Variants in LAG3 observed in about 807,000 individuals in gnomAD.
LAG3 encodes the protein lymphocyte activation gene 3 protein.
LAG3 carries 29 observed loss-of-function variants against 49.0 expected under a neutral mutation model. That is an observed-to-expected ratio of 0.59 (90% CI 0.44 to 0.81). The LOEUF is 0.81. LAG3 is among the 30% of genes least tolerant of loss of function. The pLI, the probability that LAG3 is intolerant of heterozygous loss-of-function variation, is 0.00. For missense variants in LAG3, 693 were observed against 695.2 expected (o/e 1.00, Z 0.04); for synonymous variants, 320 against 297.3 (o/e 1.08, Z -0.79).
At chr12:6,778,149 G>T in intron 7 of LAG3, 95 bp from the exon 8 acceptor site, 1 of 1,378,466 alleles carries the variant, frequency 7.3e-7, no homozygotes, top group South Asian at 1.3e-5. Flanking sequence ...GGGGCGCTGA[G>T]AAAAAATAGA....
chr12:6,772,977 G>T lies in LAG3; in HGVS notation c.58+67G>T. The T allele has an allele frequency of 1.9e-6, 3 of 1,541,586 alleles. No individual in the cohort carries two copies. In the South Asian group the frequency reaches 3.4e-5, roughly 17 times the overall value. On this transcript the variant is annotated intron_variant, in intron 1 of 7. Transcript: ENST00000203629. ...GGAGGGGACCAGCAGGGATCTCTGT[G>T]GCCACAAAGGTCCTGAGGTCCTTAG...
chr12:6,773,130 CTT>C lies in LAG3; in HGVS notation c.59-61_59-60del. On this transcript the variant is annotated intron_variant, in intron 1 of 7. Coordinates refer to ENST00000203629, the MANE Select transcript of LAG3 (RefSeq NM_002286.6). This position sits in a 1 kb window ranked among gnomAD's most constrained non-coding sequence, Gnocchi z 5.5. ...TCTCCCTCGGGAAACACCCAGGCTC[CTT>C]CTCTACCCCTGCCTCTCGGCTCACG... 1 of 1,549,358 alleles carries C rather than the reference CTT, an allele frequency of 6.5e-7. No homozygotes were observed. Among genetic ancestry groups the C allele is most frequent in the Non-Finnish European group, 8.7e-7 (1 of 1,148,230 alleles).
intron 3 of LAG3, 32 bp downstream of exon 3, chr12:6,774,033 G>T: frequency 7.2e-7 from 1 of 1,389,878 alleles, no homozygotes; most frequent in Non-Finnish European, 9.2e-7. Flanking sequence ...GAGAAGGGCT[G>T]GGAGGTGGGT....
In LAG3 at chr12:6,775,367, T is replaced by C. The variant is rs1941895477; in HGVS notation, c.876T>C (p.Ser292=). Residue 292 remains serine, a synonymous_variant, in exon 5 of 8, where the codon TCT becomes TCC. Coordinates refer to ENST00000203629, the MANE Select transcript of LAG3 (RefSeq NM_002286.6). ...TGCCTGCTGGTGTGGGGACCCGGTC[T>C]TTCCTCACTGCCAAGTGGACTCCTC... ...CRLPAGVGTR[S]FLTAKWTPPG... 1 of 1,614,210 alleles carries C rather than the reference T, an allele frequency of 6.2e-7. No individual in the cohort carries two copies.
At position 6,774,027 on chromosome 12, in the gene LAG3, A is replaced by C. The variant is rs1941875217; in HGVS notation, c.511+26A>C. The C allele has an allele frequency of 2.2e-6, 3 of 1,389,232 alleles. No homozygotes were observed. The African/African-American group carries it at 4.6e-5, about 21-fold the overall frequency. 86.1% of individuals were successfully genotyped at this position (1,389,232 alleles called of 1,614,324 possible). ...GTATGTGGGGCGGGACGATGGGAGA[A>C]GGGCTGGGAGGTGGGTCCCCATCCC... On this transcript the variant is annotated intron_variant, in intron 3 of 7. Transcript: ENST00000203629.
At chr12:6,776,595 C>T (rs1376251543) in intron 5 of LAG3, among the ~76,000 whole-genome samples, 1 of 152,210 alleles carries the variant, frequency 6.6e-6, no homozygotes, top group African/African-American at 2.4e-5. Context: ...TCCTCCCACC[C>T]ACCCATCTCT....
Position 6,772,924 on chromosome 12 carries a change from G to T in LAG3, c.58+14G>T. 1.9e-6 allele frequency: 3 copies of T among 1,613,672 alleles called. No homozygotes were observed. Among genetic ancestry groups the T allele is most frequent in the Non-Finnish European group, 2.5e-6 (3 of 1,179,780 alleles). ...GGGTGGCTCCAGGTAAAACGGGGAT[G>T]GCGGGAGGGTTGACCTCCAGCCCCA... On this transcript the variant is annotated intron_variant, in intron 1 of 7. Transcript: ENST00000203629.
At position 6,773,725 on chromosome 12, in the gene LAG3, C is replaced by A. The variant is rs760733811; in HGVS notation, c.235C>A (p.Pro79Thr). Residue 79 changes from proline to threonine, a missense_variant, in exon 3 of 8, where the codon CCC becomes ACC. Physicochemically the swap from Pro to Thr is conservative, Grantham distance 38. Transcript: ENST00000203629. This position sits in a 1 kb window ranked among gnomAD's most constrained non-coding sequence, Gnocchi z 5.5. ...CCCGCCCGCTGCCGCCCCCGGCCATCCCCTGGCCCCCGGCCCTCACCCGGC... is the reference window on the plus strand; with the variant it reads ...CCCGCCCGCTGCCGCCCCCGGCCATACCCTGGCCCCCGGCCCTCACCCGGC... The part of the protein sequence containing the change: ...SGPPAAAPGH[P>T]LAPGPHPAAP... 1 of 1,344,690 alleles carries A rather than the reference C, an allele frequency of 7.4e-7. No homozygotes were observed. Among genetic ancestry groups the A allele is most frequent in the Non-Finnish European group, 9.5e-7 (1 of 1,054,852 alleles). The allele number at this position is 1,344,690 out of a possible 1,614,324, so 83.3% of individuals were successfully genotyped here.
rs148277920 is a variant in LAG3, at chr12:6,777,334, A to G, written c.1128A>G (p.Gly376=). 246 of 1,614,184 alleles carry G rather than the reference A, an allele frequency of 1.5e-4. No individual in the cohort carries two copies. Among genetic ancestry groups the G allele is most frequent in the Admixed American group, 2.2e-4 (13 of 60,030 alleles). The change falls in exon 6 of 8, where the codon GGA becomes GGG. Residue 376 remains glycine (G), a synonymous_variant. Coordinates refer to ENST00000203629, the MANE Select transcript of LAG3 (RefSeq NM_002286.6). Reference sequence around the variant, plus strand: ...TTTGTGAGGTGACTCCAGTATCTGGACAAGAACGCTTTGTGTGGAGCTCTC... The same window carrying G: ...TTTGTGAGGTGACTCCAGTATCTGGGCAAGAACGCTTTGTGTGGAGCTCTC... The part of the protein sequence containing the change: ...KLLCEVTPVS[G]QERFVWSSLD...
intron 3 of LAG3, 43 bp downstream of exon 3, chr12:6,774,044 C>A: frequency 7.3e-7 from 1 of 1,375,462 alleles, no homozygotes; most frequent in South Asian, 1.7e-5. Context: ...GGAGGTGGGT[C>A]CCCATCCCCT....
rs1415525930 is a variant in LAG3 at position 6,773,768 on chromosome 12, G to A, written c.278G>A (p.Gly93Glu). 36 of 1,331,200 alleles carry A rather than the reference G, an allele frequency of 2.7e-5. No homozygotes were observed. Among genetic ancestry groups the A allele is most frequent in the Non-Finnish European group, 3.4e-5 (36 of 1,046,984 alleles). 82.5% of individuals were successfully genotyped at this position (1,331,200 alleles called of 1,614,324 possible). Reference protein sequence around the residue: ...GPHPAAPSSWGPRPRRYTVLS... With the variant: ...GPHPAAPSSWEPRPRRYTVLS... ...CACCCGGCGGCGCCCTCCTCCTGGGGGCCCAGGCCCCGCCGCTACACGGTG... is the reference window on the plus strand; with the variant it reads ...CACCCGGCGGCGCCCTCCTCCTGGGAGCCCAGGCCCCGCCGCTACACGGTG... The change falls in exon 3 of 8, where the codon GGG becomes GAG. Residue 93 changes from glycine to glutamate, a missense_variant. Coordinates refer to ENST00000203629, the MANE Select transcript of LAG3 (RefSeq NM_002286.6). The surrounding 1 kb of genome is among the most constrained non-coding windows in gnomAD (Gnocchi z 5.5).
chr12:6,774,113 G>C, intron 3 of LAG3, 112 bp downstream of exon 3: 1 of 1,323,504 alleles, frequency 7.6e-7, no homozygotes. Flanking sequence ...CTGTCGGAGA[G>C]CTCCCAGAAG....
rs1435048904 is a variant in LAG3 at position 6,773,511 on chromosome 12, A to T, written c.206+172A>T. 1.3e-5 allele frequency among the ~76,000 whole-genome samples: 2 copies of T among 152,056 alleles called. No homozygotes were observed. The highest frequency in any genetic ancestry group is 4.8e-5 in the African/African-American group (2 of 41,426). Reference sequence around the variant, plus strand: ...CCTTGCTCTGCAATCAGCGACCCTCACGCCAGCATCCCTTCTCTCCAGAAG... The same window carrying T: ...CCTTGCTCTGCAATCAGCGACCCTCTCGCCAGCATCCCTTCTCTCCAGAAG... On this transcript the variant is annotated intron_variant, in intron 2 of 7. Coordinates refer to ENST00000203629, the MANE Select transcript of LAG3 (RefSeq NM_002286.6). This position sits in a 1 kb window ranked among gnomAD's most constrained non-coding sequence, Gnocchi z 5.5.
rs1565482559 is a variant in LAG3 at position 6,777,012 on chromosome 12, C to T, written c.1058-252C>T. 3.9e-5 allele frequency among the ~76,000 whole-genome samples: 6 copies of T among 152,170 alleles called. No homozygotes were observed. In the South Asian group the frequency reaches 1.0e-3, roughly 26 times the overall value. ...ATCCCAGCACTTTGAAAGGCTGAGA[C>T]GAGAGGAGCACTTGAGTCCAGGAAT... On this transcript the variant is annotated intron_variant, in intron 5 of 7. Coordinates refer to ENST00000203629, the MANE Select transcript of LAG3 (RefSeq NM_002286.6).
chr12:6,774,911 C>CT, intron 4 of LAG3, 47 bp downstream of exon 4: 1 of 1,562,158 alleles, frequency 6.4e-7, no homozygotes, highest in Admixed American at 1.8e-5. Context: ...TCCTTCCTGC[C>CT]CCCCTTGTCA....
intron 5 of LAG3, among the ~76,000 whole-genome samples, chr12:6,776,348 G>A (rs1356395625): frequency 5.9e-5 from 9 of 152,036 alleles, no homozygotes; most frequent in Non-Finnish European, 7.4e-5. Flanking sequence ...CATCCACCTC[G>A]AAACCTGGCC....
Position 6,778,259 on chromosome 12 carries a change from T to C in LAG3, c.1447T>C (p.Phe483Leu). ...CTTCTCACAGTGGCGACCAAGACGA[T>C]TTTCTGCCTTAGAGCAAGGGATTCA... ...LWRRQWRPRRFSALEQGIHPP... is the reference protein window; with the variant it reads ...LWRRQWRPRRLSALEQGIHPP... The change falls in exon 8 of 8, where the codon TTT (phenylalanine) becomes CTT (leucine). Residue 483 changes from phenylalanine (F) to leucine (L), a missense_variant. By Grantham distance (22) the Phe-to-Leu change is conservative (BLOSUM62 0). Coordinates refer to ENST00000203629, the MANE Select transcript of LAG3 (RefSeq NM_002286.6). The C allele has an allele frequency of 6.2e-7, 1 of 1,601,050 alleles. No homozygotes were observed. Among genetic ancestry groups the C allele is most frequent in the Non-Finnish European group, 8.5e-7 (1 of 1,173,806 alleles).
chr12:6,777,129 C>T, intron 5 of LAG3, 135 bp from the exon 6 acceptor site: 3 of 865,032 alleles, frequency 3.5e-6, no homozygotes, highest in Admixed American at 4.5e-5. Flanking sequence ...GTGGCCATGA[C>T]CCATGATGTC....
At chr12:6,775,239 C>T (rs746734384) in intron 4 of LAG3, 34 bp from the exon 5 acceptor site, 2 of 1,597,496 alleles carry the variant, frequency 1.3e-6, no homozygotes, top group African/African-American at 2.7e-5. Context: ...ACTGCAGCAC[C>T]CAGCTTTAAC....
Sources: gnomAD v4.1 joint callset for allele counts (sites outside exome capture counted in the v4.1 genomes callset) on GRCh38, gnomAD v4.1.1 for gene constraint, Gnocchi (gnomAD v3.1) non-coding constraint, MANE v1.5 for transcripts, NCBI Gene and HGNC (gene_info 2026-07-23, HGNC 2026-07-21) for gene names.